GPR158: variants seen among roughly 807,000 people sequenced by gnomAD.
The protein encoded by GPR158 is metabotropic glycine receptor.
A neutral mutation model predicts 78.2 loss-of-function variants in GPR158; 30 were observed. The observed-to-expected ratio is 0.38, with a 90% CI of 0.29 to 0.52. GPR158 has a LOEUF of 0.52. Ranked by LOEUF, GPR158 falls within the 20% of genes least tolerant of loss-of-function variation. The pLI is 0.83. For missense variants in GPR158, 1,463 were observed against 1,523.5 expected, an observed-to-expected ratio of 0.96 and a Z score of 0.66; for synonymous variants, 581 against 591.1, an observed-to-expected ratio of 0.98 and a Z score of 0.25.
At chr10:25,379,988 G>A (rs1207273807) in intron 2 of GPR158, among the ~76,000 whole-genome samples, 2 of 143,958 alleles carry the variant, frequency 1.4e-5, no homozygotes, top group East Asian at 2.1e-4. Flanking sequence ...TTTTTCTTTT[G>A]TATTTTATCC....
chr10:25,295,283 G>T (rs775506970), intron 2 of GPR158, among the ~76,000 whole-genome samples: 1 of 152,084 alleles, frequency 6.6e-6, no homozygotes, highest in Non-Finnish European at 1.5e-5. Context: ...TGTCTTATGT[G>T]GTCTCCTAGC....
intron 5 of GPR158, among the ~76,000 whole-genome samples, chr10:25,545,489 G>A (rs1343580893): frequency 1.3e-5 from 2 of 152,098 alleles, no homozygotes; most frequent in African/African-American, 4.8e-5. Context: ...GTGTTTGTTG[G>A]CCACATAAAT....
Position 25,551,080 on chromosome 10 carries a change from T to G in GPR158, c.1509T>G (p.Leu503=), listed in dbSNP as rs778693538. The change falls in exon 6 of 11, where the codon CTT becomes CTG. Residue 503 remains leucine, a synonymous_variant. Coordinates refer to ENST00000376351, the MANE Select transcript of GPR158 (RefSeq NM_020752.3). ...TTTACGGAACTGTCACTCTCAAACTTCACAGGTATATACATTTTATTCATC... is the reference window on the plus strand; with the variant it reads ...TTTACGGAACTGTCACTCTCAAACTGCACAGGTATATACATTTTATTCATC... The part of the protein sequence containing the change: ...ATVYGTVTLK[L]HRVLKVFLSR... 20 of 1,505,670 alleles carry G rather than the reference T, an allele frequency of 1.3e-5. No individual in the cohort carries two copies. The highest frequency in any genetic ancestry group is 1.8e-5 in the Non-Finnish European group (19 of 1,081,052). 93.3% of individuals were successfully genotyped at this position (1,505,670 alleles called of 1,614,324 possible).
At chr10:25,312,120 A>G (rs2795045) in intron 2 of GPR158, among the ~76,000 whole-genome samples, 92,075 of 151,756 alleles carry the variant, frequency 0.61, 29,815 homozygotes, top group Non-Finnish European at 0.75. Context: ...ATTTTCCTTT[A>G]TACTCCCAAA....
chr10:25,332,151 A>G (rs1306000494), intron 2 of GPR158, among the ~76,000 whole-genome samples: 1 of 152,120 alleles, frequency 6.6e-6, no homozygotes, highest in Non-Finnish European at 1.5e-5. Flanking sequence ...TCCCATACCT[A>G]GAGATTCTGA....
At chr10:25,300,237 C>T (rs574932110) in intron 2 of GPR158, among the ~76,000 whole-genome samples, 1 of 152,336 alleles carries the variant, frequency 6.6e-6, no homozygotes, top group East Asian at 1.9e-4. Flanking sequence ...AATGTTTCCC[C>T]TGTCTTTCCC....
Position 25,317,725 on chromosome 10 carries a change from TGTTTTGTTTTGTTTTG to T in GPR158, c.1009-78185_1009-78170del, listed in dbSNP as rs1386220080. 4.4e-4 allele frequency among the ~76,000 whole-genome samples: 60 copies of T among 136,380 alleles called. 3 individuals are homozygous for T. Among genetic ancestry groups the T allele is most frequent in the African/African-American group, 1.9e-3 (59 of 30,406 alleles). 89.5% of individuals were successfully genotyped at this position (136,380 alleles called of 152,430 possible). ...GTTTTCTTCGTAAAGTGTTTTTTTT[TGTTTTGTTTTGTTTTG>T]TTTTTGAGACAGAGTCTCGCTTCTT... On this transcript the variant is annotated intron_variant, in intron 2 of 10. Coordinates refer to ENST00000376351, the MANE Select transcript of GPR158 (RefSeq NM_020752.3).
chr10:25,270,433 G>A lies in GPR158; in HGVS notation c.1008+49276G>A, dbSNP rs1854102667. Among the ~76,000 whole-genome samples the A allele has an allele frequency of 3.3e-5, 5 of 152,200 alleles. No homozygotes were observed. In the South Asian group the frequency reaches 1.0e-3, roughly 32 times the overall value. On this transcript the variant is annotated intron_variant, in intron 2 of 10. Transcript: ENST00000376351. The stretch of plus-strand genomic sequence containing the variant: ...GAGATGGATTTGGAATTCCTGGAAG[G>A]CATGCTTGAAGTATAAGAGAAGGAG...
intron 2 of GPR158, among the ~76,000 whole-genome samples, chr10:25,368,309 C>T (rs531005157): frequency 6.6e-6 from 1 of 151,728 alleles, no homozygotes; most frequent in Non-Finnish European, 1.5e-5. Context: ...AAACAGACAA[C>T]CTACAGAATG....
At chr10:25,461,893 G>A (rs77071122) in intron 4 of GPR158, among the ~76,000 whole-genome samples, 3,796 of 151,816 alleles carry the variant, frequency 0.025, 170 homozygotes, top group African/African-American at 0.086. Flanking sequence ...CACCACGCCC[G>A]GCTGATTTTT....
At chr10:25,319,445 A>G (rs748575322) in intron 2 of GPR158, among the ~76,000 whole-genome samples, 3 of 152,048 alleles carry the variant, frequency 2.0e-5, no homozygotes, top group Non-Finnish European at 4.4e-5. Context: ...ATTCCATAGG[A>G]TTTGTTGAAC....
intron 4 of GPR158, among the ~76,000 whole-genome samples, chr10:25,422,461 CCACA>C (rs2130562711): frequency 6.6e-6 from 1 of 152,166 alleles, no homozygotes; most frequent in African/African-American, 2.4e-5. Flanking sequence ...ACCATCACCC[CCACA>C]CACACCCTCC....
At chr10:25,400,506 C>T (rs1240991904) in intron 3 of GPR158, among the ~76,000 whole-genome samples, 8 of 152,206 alleles carry the variant, frequency 5.3e-5, no homozygotes, top group Non-Finnish European at 1.0e-4. Flanking sequence ...ATTGTGCTGG[C>T]AGCCCAGAGA....
At chr10:25,276,780 C>T (rs1384094992) in intron 2 of GPR158, among the ~76,000 whole-genome samples, 1 of 152,022 alleles carries the variant, frequency 6.6e-6, no homozygotes, top group East Asian at 1.9e-4. Context: ...AAGCAAGAAA[C>T]TCACCTGAAC....
intron 6 of GPR158, among the ~76,000 whole-genome samples, chr10:25,569,021 A>G (rs539060488): frequency 6.6e-5 from 10 of 152,316 alleles, no homozygotes; most frequent in Admixed American, 3.3e-4. Flanking sequence ...AGACAATCCT[A>G]GAAAAATACA....
At chr10:25,329,752 A>C (rs1349536180) in intron 2 of GPR158, among the ~76,000 whole-genome samples, 1 of 151,918 alleles carries the variant, frequency 6.6e-6, no homozygotes, top group Non-Finnish European at 1.5e-5. Flanking sequence ...TCTCACAACT[A>C]GTCAAACCAG....
chr10:25,537,768 A>T (rs963462274), intron 5 of GPR158, among the ~76,000 whole-genome samples: 1 of 152,008 alleles, frequency 6.6e-6, no homozygotes, highest in South Asian at 2.1e-4. Context: ...CATTCTCATG[A>T]TAGTGAGTTC....
intron 2 of GPR158, among the ~76,000 whole-genome samples, chr10:25,284,713 TA>T (rs1379848980): frequency 6.6e-6 from 1 of 151,978 alleles, no homozygotes; most frequent in Non-Finnish European, 1.5e-5. Flanking sequence ...GTCTTCTTTT[TA>T]AAAAGTTGGG....
intron 5 of GPR158, among the ~76,000 whole-genome samples, chr10:25,520,988 C>G (rs1371057747): frequency 6.6e-6 from 1 of 152,200 alleles, no homozygotes; most frequent in Non-Finnish European, 1.5e-5. Flanking sequence ...GCAGTTTGAT[C>G]TCAGACTGCT....
Sources: allele counts gnomAD v4.1 joint callset (sites outside exome capture counted in the v4.1 genomes callset), GRCh38; gene constraint gnomAD v4.1.1; transcripts MANE v1.5; gene names NCBI Gene and HGNC (gene_info 2026-07-23, HGNC 2026-07-21).